The following GPC6 variants were observed in gnomAD, a reference collection of about 807,000 sequenced individuals.
The protein encoded by GPC6 is glypican 6.
A neutral mutation model predicts 55.2 loss-of-function variants in GPC6; 14 were observed. The ratio of observed to expected loss-of-function variants is 0.25; its 90% CI spans 0.17 to 0.40. The LOEUF (loss-of-function observed/expected upper bound fraction) is 0.40, where lower values mean the gene tolerates loss of function less well. GPC6 is among the 10% of genes least tolerant of loss of function. The pLI is 1.00. For missense variants in GPC6, 641 were observed against 708.5 expected (o/e 0.90, Z 1.08); for synonymous variants, 278 against 259.6 (o/e 1.07, Z -0.68).
chr13:93,425,157 G>A (rs1006280290), intron 1 of GPC6, among the ~76,000 whole-genome samples: 111 of 152,082 alleles, frequency 7.3e-4, no homozygotes, highest in African/African-American at 2.5e-3. Flanking sequence ...TGCAAAATTC[G>A]TGATGAATGA....
chr13:93,979,344 TG>T (rs767611071), intron 3 of GPC6, among the ~76,000 whole-genome samples: 1 of 149,950 alleles, frequency 6.7e-6, no homozygotes, highest in African/African-American at 2.5e-5. Context: ...TGTGTGTGTG[TG>T]TTTTTTTTAA....
At chr13:94,104,387 G>A (rs1463246864) in intron 4 of GPC6, among the ~76,000 whole-genome samples, 2 of 152,138 alleles carry the variant, frequency 1.3e-5, no homozygotes, top group Non-Finnish European at 2.9e-5. Flanking sequence ...AAAACTGGAA[G>A]CATTCCCTTT....
intron 2 of GPC6, among the ~76,000 whole-genome samples, chr13:93,765,353 A>C (rs1885100645): frequency 2.0e-5 from 1 of 51,138 alleles, no homozygotes; most frequent in Admixed American, 2.3e-4. Context: ...AAATATATGC[A>C]ACCAGATGTT....
chr13:93,981,834 C>T (rs1019412008), intron 3 of GPC6, among the ~76,000 whole-genome samples: 1 of 152,120 alleles, frequency 6.6e-6, no homozygotes, highest in Non-Finnish European at 1.5e-5. Flanking sequence ...GATTTAGCTA[C>T]CATTTAGTGG....
chr13:93,754,473 T>C (rs972082614), intron 2 of GPC6, among the ~76,000 whole-genome samples: 1 of 152,116 alleles, frequency 6.6e-6, no homozygotes, highest in African/African-American at 2.4e-5. Flanking sequence ...AAGAGATAAA[T>C]AATTAATCGC....
chr13:94,288,156 C>A (rs1478390421), intron 5 of GPC6, among the ~76,000 whole-genome samples: 1 of 151,976 alleles, frequency 6.6e-6, no homozygotes, highest in Non-Finnish European at 1.5e-5. Context: ...AACAGATCAG[C>A]AATTATATAA....
intron 4 of GPC6, among the ~76,000 whole-genome samples, chr13:94,035,306 A>C (rs1461691084): frequency 9.9e-6 from 1 of 100,978 alleles, no homozygotes; most frequent in African/African-American, 3.1e-5. Flanking sequence ...CAGTGGAATT[A>C]AATCTATTCC....
intron 2 of GPC6, among the ~76,000 whole-genome samples, chr13:93,814,726 T>A (rs1055794023): frequency 6.6e-6 from 1 of 152,170 alleles, no homozygotes; most frequent in Non-Finnish European, 1.5e-5. Flanking sequence ...ATAAACCTAT[T>A]TGAATTTTAT....
chr13:94,384,949 C>T (rs916994270), intron 7 of GPC6, among the ~76,000 whole-genome samples: 2 of 152,156 alleles, frequency 1.3e-5, no homozygotes, highest in Non-Finnish European at 2.9e-5. Context: ...CTCCCTGTGT[C>T]CCAGGCTCTG....
At chr13:93,965,146 T>G (rs1470747537) in intron 3 of GPC6, among the ~76,000 whole-genome samples, 1 of 140,004 alleles carries the variant, frequency 7.1e-6, no homozygotes, top group Admixed American at 7.7e-5. Context: ...AAGGGAAGTT[T>G]GGTAGTTAAA....
intron 3 of GPC6, among the ~76,000 whole-genome samples, chr13:93,870,014 A>C (rs1889081486): frequency 6.6e-6 from 1 of 151,860 alleles, no homozygotes; most frequent in Admixed American, 6.6e-5. Flanking sequence ...ACTTTAGGCA[A>C]GTCACTTATA....
rs146581353 is a variant in GPC6 at position 93,829,543 on chromosome 13, G to T, written c.320-611G>T. On this transcript the variant is annotated intron_variant, in intron 2 of 8. Coordinates refer to ENST00000377047, the MANE Select transcript of GPC6 (RefSeq NM_005708.5). ...TAATGATAATCCAAGATACTTTAAG[G>T]CTTTCTGACTCATTATGGCCACCTA... is the stretch of plus-strand genomic sequence containing the variant. Among the ~76,000 whole-genome samples the T allele has an allele frequency of 1.0e-3, 158 of 152,140 alleles. 1 individual carries two copies. The highest frequency in any genetic ancestry group is 3.2e-3 in the African/African-American group (133 of 41,520).
chr13:93,701,558 T>A (rs907054716), intron 2 of GPC6, among the ~76,000 whole-genome samples: 2 of 152,000 alleles, frequency 1.3e-5, no homozygotes, highest in African/African-American at 4.8e-5. Context: ...AACAATGAAG[T>A]TTCCTGTGTC....
At chr13:93,469,846 G>A (rs1374106325) in intron 1 of GPC6, among the ~76,000 whole-genome samples, 1 of 151,998 alleles carries the variant, frequency 6.6e-6, no homozygotes, top group African/African-American at 2.4e-5. Context: ...GATGTTGAAT[G>A]GTATGAACAC....
intron 4 of GPC6, among the ~76,000 whole-genome samples, chr13:94,109,564 C>A (rs1208385630): frequency 6.6e-6 from 1 of 151,952 alleles, no homozygotes; most frequent in African/African-American, 2.4e-5. Flanking sequence ...GAAAAACAAA[C>A]GTCTTAAGTA....
intron 3 of GPC6, among the ~76,000 whole-genome samples, chr13:93,908,089 A>C (rs1876769743): frequency 6.6e-6 from 1 of 152,182 alleles, no homozygotes; most frequent in Admixed American, 6.5e-5. Context: ...AAAAGGAGAG[A>C]GAGAGAGTGA....
intron 4 of GPC6, among the ~76,000 whole-genome samples, chr13:94,094,824 A>C (rs1885606696): frequency 1.0e-5 from 1 of 99,340 alleles, no homozygotes; most frequent in African/African-American, 3.5e-5. Flanking sequence ...TTTAATAAAG[A>C]CTCATAGAAT....
intron 4 of GPC6, among the ~76,000 whole-genome samples, chr13:94,236,992 C>T (rs1180230074): frequency 2.0e-5 from 3 of 151,296 alleles, no homozygotes; most frequent in African/African-American, 7.3e-5. Flanking sequence ...GCACCTTGTT[C>T]ACAGGCCTTA....
intron 2 of GPC6, among the ~76,000 whole-genome samples, chr13:93,743,292 C>G (rs1179740505): frequency 6.6e-6 from 1 of 151,976 alleles, no homozygotes; most frequent in Non-Finnish European, 1.5e-5. Flanking sequence ...TCTGAAAGAC[C>G]TAAGCTTGAA....
Sources: allele counts gnomAD v4.1 joint callset (sites outside exome capture counted in the v4.1 genomes callset), GRCh38; gene constraint gnomAD v4.1.1; transcripts MANE v1.5; gene names NCBI Gene and HGNC (gene_info 2026-07-23, HGNC 2026-07-21).